Variants in CDS2 observed in about 807,000 individuals in gnomAD.
CDS2 encodes the protein phosphatidate cytidylyltransferase 2.
In CDS2, 47 loss-of-function variants were observed where a neutral mutation model predicts 59.0. That is an observed-to-expected ratio of 0.80 (90% confidence interval 0.63 to 1.02). CDS2 has a LOEUF of 1.02. Ranked by LOEUF, CDS2 falls within the 50% of genes least tolerant of loss-of-function variation. The pLI is 0.00. For missense variants in CDS2, 356 were observed against 558.9 expected (o/e 0.64, Z 3.66); for synonymous variants, 207 against 206.4 (o/e 1.00, Z -0.02).
intron 1 of CDS2, among the ~76,000 whole-genome samples, chr20:5,150,129 A>T (rs1431896607): frequency 1.3e-5 from 2 of 152,230 alleles, no homozygotes; most frequent in Non-Finnish European, 2.9e-5. Context: ...AAAGGATCTT[A>T]AAAAACGATC....
At chr20:5,146,496 CT>C (rs2090744780) in intron 1 of CDS2, among the ~76,000 whole-genome samples, 1 of 152,196 alleles carries the variant, frequency 6.6e-6, no homozygotes, top group Non-Finnish European at 1.5e-5. Context: ...TTATCCCACC[CT>C]TGTGTGCTTC....
intron 1 of CDS2, among the ~76,000 whole-genome samples, chr20:5,154,348 T>C (rs1263105073): frequency 1.3e-5 from 2 of 152,166 alleles, no homozygotes; most frequent in Non-Finnish European, 2.9e-5. Flanking sequence ...TTCACCACCC[T>C]TGGTAGTTCT....
At chr20:5,132,102 A>T (rs1275146916) in intron 1 of CDS2, among the ~76,000 whole-genome samples, 1 of 146,222 alleles carries the variant, frequency 6.8e-6, no homozygotes, top group Non-Finnish European at 1.5e-5. Flanking sequence ...TTCAATTTTA[A>T]TTTTTTTTTT....
intron 5 of CDS2, among the ~76,000 whole-genome samples, 165 bp downstream of exon 5, chr20:5,179,121 CTTTT>C (rs34544851): frequency 3.1e-5 from 4 of 130,270 alleles, no homozygotes; most frequent in African/African-American, 8.6e-5. Flanking sequence ...CAGCTGTTAC[CTTTT>C]TTTTTTTTTT....
intron 1 of CDS2, among the ~76,000 whole-genome samples, chr20:5,151,329 A>T (rs532866295): frequency 6.6e-6 from 1 of 152,246 alleles, no homozygotes; most frequent in Non-Finnish European, 1.5e-5. Flanking sequence ...TAAAAATCAA[A>T]TTTGATACAA....
chr20:5,163,818 T>TCTAG (rs1211604784), intron 1 of CDS2, among the ~76,000 whole-genome samples: 8 of 145,160 alleles, frequency 5.5e-5, no homozygotes, highest in African/African-American at 2.1e-4. Context: ...TGAAGCAGAG[T>TCTAG]CTAGCTCTGT....
chr20:5,146,762 CA>C (rs1942778923), intron 1 of CDS2, among the ~76,000 whole-genome samples: 1 of 152,048 alleles, frequency 6.6e-6, no homozygotes, highest in African/African-American at 2.4e-5. Context: ...TGCAAATGAC[CA>C]AAAACTAAAT....
At chr20:5,127,661 G>A (rs1463062200) in intron 1 of CDS2, among the ~76,000 whole-genome samples, 2 of 152,204 alleles carry the variant, frequency 1.3e-5, no homozygotes, top group African/African-American at 4.8e-5. Context: ...TTGAGCAAAG[G>A]GGTGTTACCC....
chr20:5,144,040 T>C (rs917284049), intron 1 of CDS2, among the ~76,000 whole-genome samples: 60 of 152,190 alleles, frequency 3.9e-4, no homozygotes, highest in African/African-American at 1.3e-3. Context: ...GCTGGGATCA[T>C]AGGCATGAGC....
intron 1 of CDS2, among the ~76,000 whole-genome samples, chr20:5,136,494 A>C (rs950656404): frequency 6.6e-6 from 1 of 152,194 alleles, no homozygotes. Context: ...AAATGCCTGC[A>C]GTATCCTAAA....
chr20:5,178,896 G>T lies in CDS2; in HGVS notation c.469G>T (p.Glu157Ter). 6.2e-7 allele frequency: 1 copy of T among 1,614,066 alleles called. No homozygotes were observed. Among genetic ancestry groups the T allele is most frequent in the Non-Finnish European group, 8.5e-7 (1 of 1,179,926 alleles). Residue 157 changes from glutamate (E) to a stop codon, truncating the protein, a stop_gained, in exon 5 of 13, where the codon GAG becomes TAG. Transcript: ENST00000460006. LOFTEE classifies it high-confidence loss of function. Reference protein sequence around the residue: ...DYFFTLVQREEPLRILSKYHR... With the variant: ...DYFFTLVQRE ...CTTCTTCACCCTGGTCCAGAGAGAAGAGCCTTTGCGGATTCTCAGTAAATA... is the reference window on the plus strand; with the variant it reads ...CTTCTTCACCCTGGTCCAGAGAGAATAGCCTTTGCGGATTCTCAGTAAATA...
intron 5 of CDS2, among the ~76,000 whole-genome samples, chr20:5,179,342 G>A (rs1036942582): frequency 6.6e-6 from 1 of 152,156 alleles, no homozygotes; most frequent in African/African-American, 2.4e-5. Context: ...GGCTGGTTCC[G>A]AACTCCCGAG....
intron 10 of CDS2, chr20:5,187,555 T>C (rs2091078654): frequency 6.6e-6 from 1 of 152,134 alleles, no homozygotes; most frequent in African/African-American, 2.4e-5. Context: ...ACATTTTTCT[T>C]GAAAAGGATG....
chr20:5,168,806 A>G (rs1164950333), intron 1 of CDS2, among the ~76,000 whole-genome samples: 2 of 152,208 alleles, frequency 1.3e-5, no homozygotes, highest in African/African-American at 2.4e-5. Flanking sequence ...CTTAACCACA[A>G]GGAACATCCC....
At chr20:5,150,280 G>A (rs2090778153) in intron 1 of CDS2, among the ~76,000 whole-genome samples, 1 of 152,164 alleles carries the variant, frequency 6.6e-6, no homozygotes. Context: ...CAGGCTCACT[G>A]GATTATCAGA....
chr20:5,170,401 C>T (rs188586056), intron 1 of CDS2, among the ~76,000 whole-genome samples: 1 of 152,316 alleles, frequency 6.6e-6, no homozygotes, highest in African/African-American at 2.4e-5. Context: ...GCAACTGTGT[C>T]TCCAAGCAGA....
intron 1 of CDS2, among the ~76,000 whole-genome samples, chr20:5,160,075 T>A (rs1048187614): frequency 6.6e-6 from 1 of 152,208 alleles, no homozygotes; most frequent in Non-Finnish European, 1.5e-5. Flanking sequence ...ATGATGAAGC[T>A]GAGCTGTTTG....
chr20:5,141,905 C>G (rs938998828), intron 1 of CDS2, among the ~76,000 whole-genome samples: 2 of 147,998 alleles, frequency 1.4e-5, no homozygotes, highest in Non-Finnish European at 3.0e-5. Flanking sequence ...AGTGTGAGAA[C>G]AGAGGGAAAA....
intron 2 of CDS2, among the ~76,000 whole-genome samples, chr20:5,174,300 G>T (rs920774638): frequency 6.6e-6 from 1 of 152,190 alleles, no homozygotes; most frequent in African/African-American, 2.4e-5. Context: ...GGTTAAGGGC[G>T]TGGACTTTGC....
Sources: gnomAD v4.1 joint callset for allele counts (sites outside exome capture counted in the v4.1 genomes callset) on GRCh38, gnomAD v4.1.1 for gene constraint, MANE v1.5 for transcripts, NCBI Gene and HGNC (gene_info 2026-07-23, HGNC 2026-07-21) for gene names.